SLIT3: variants seen among roughly 807,000 people sequenced by gnomAD.
SLIT3 encodes slit homolog 3 protein.
SLIT3 carries 68 observed loss-of-function variants against 184.0 expected under a neutral mutation model. The observed-to-expected ratio is 0.37, with a 90% confidence interval of 0.30 to 0.45. The LOEUF (loss-of-function observed/expected upper bound fraction) is 0.45. Among genes scored for constraint, SLIT3 ranks in the 20% least tolerant of loss-of-function variants. SLIT3 has a pLI of 1.00. For missense variants in SLIT3, 1,707 were observed against 2,026.0 expected, an observed-to-expected ratio of 0.84 and a Z score of 3.02; for synonymous variants, 831 against 828.6, an observed-to-expected ratio of 1.00 and a Z score of -0.05.
intron 4 of SLIT3, among the ~76,000 whole-genome samples, chr5:169,167,723 C>T (rs1335822346): frequency 6.6e-6 from 1 of 152,140 alleles, no homozygotes; most frequent in Non-Finnish European, 1.5e-5. Context: ...GCAACCCAGG[C>T]AGGCTGGCTT....
rs973001210 is a variant in SLIT3, at chr5:168,806,719, C to G, written c.794-132G>C. On this transcript the variant is annotated intron_variant, in intron 8 of 35. Coordinates refer to ENST00000519560, the MANE Select transcript of SLIT3 (RefSeq NM_003062.4). ...CTGAGAAATGATCACCAGCTGACAT[C>G]TCCCTTCACCTGGGAGACACAGGTG... 5.0e-6 allele frequency: 5 copies of G among 993,644 alleles called. No homozygotes were observed. In the African/African-American group the frequency reaches 8.1e-5, roughly 16 times the overall value. The allele number at this position is 993,644 out of a possible 1,614,324, so 61.6% of individuals were successfully genotyped here. A position where few individuals can be genotyped will look rare whatever the true frequency, so the allele number is the denominator to read the frequency against.
intron 10 of SLIT3, chr5:168,789,902 C>G (rs59442964): frequency 5.0e-6 from 2 of 397,956 alleles, no homozygotes; most frequent in Non-Finnish European, 9.0e-6. Context: ...GCTGTGAACA[C>G]GTGAACCATC....
intron 12 of SLIT3, among the ~76,000 whole-genome samples, chr5:168,780,179 A>G (rs1222046549): frequency 1.3e-5 from 2 of 152,382 alleles, no homozygotes; most frequent in East Asian, 3.9e-4. Context: ...TGTGGAGGAC[A>G]TGGGTTATGT....
chr5:168,678,567 C>T (rs958959809), intron 32 of SLIT3, among the ~76,000 whole-genome samples: 7 of 152,022 alleles, frequency 4.6e-5, no homozygotes, highest in African/African-American at 1.7e-4. Context: ...CCTGTAGTCT[C>T]AGCTACTCGG....
intron 5 of SLIT3, among the ~76,000 whole-genome samples, chr5:168,849,103 T>G (rs901774075): frequency 6.6e-6 from 1 of 152,194 alleles, no homozygotes; most frequent in Non-Finnish European, 1.5e-5. Flanking sequence ...TGCATTTAAG[T>G]CCCCATGAAG....
At chr5:168,860,876 T>G (rs1038617162) in intron 5 of SLIT3, among the ~76,000 whole-genome samples, 10 of 152,220 alleles carry the variant, frequency 6.6e-5, no homozygotes, top group African/African-American at 9.6e-5. Flanking sequence ...TGCTCCTGTT[T>G]CTGCCCGACT....
At chr5:169,213,267 G>GC (rs1316616486) in intron 3 of SLIT3, among the ~76,000 whole-genome samples, 1 of 134,290 alleles carries the variant, frequency 7.4e-6, no homozygotes, top group Non-Finnish European at 1.6e-5. Context: ...GGTTGTGAAG[G>GC]CCCTCTTCAA....
intron 4 of SLIT3, among the ~76,000 whole-genome samples, chr5:169,032,111 AAT>A (rs1418041441): frequency 6.6e-6 from 1 of 152,200 alleles, no homozygotes; most frequent in African/African-American, 2.4e-5. Context: ...ACAAGGGGCT[AAT>A]AATCCAAACT....
At chr5:168,794,323 A>T (rs1756489774) in intron 10 of SLIT3, among the ~76,000 whole-genome samples, 1 of 152,094 alleles carries the variant, frequency 6.6e-6, no homozygotes, top group Non-Finnish European at 1.5e-5. Context: ...ATGATTTCTT[A>T]GCCTCAAAAA....
rs60243688 is a variant in SLIT3, at chr5:168,897,647, TAC to T, written c.414-14313_414-14312del. Among the ~76,000 whole-genome samples, 719 of 141,490 alleles carry T rather than the reference TAC, an allele frequency of 5.1e-3. 7 individuals are homozygous for T. The highest frequency in any genetic ancestry group is 0.017 in the African/African-American group (660 of 38,566). 92.8% of individuals were successfully genotyped at this position (141,490 alleles called of 152,430 possible). On this transcript the variant is annotated intron_variant, in intron 4 of 35. Coordinates refer to ENST00000519560, the MANE Select transcript of SLIT3 (RefSeq NM_003062.4). ...GAAAGAGGATGGAGACAGGTGCACG[TAC>T]ACACACACACACACACACACACACA...
intron 1 of SLIT3, among the ~76,000 whole-genome samples, chr5:169,262,587 C>T (rs768729047): frequency 6.6e-5 from 10 of 152,044 alleles, no homozygotes; most frequent in Non-Finnish European, 1.0e-4. Context: ...TAAAAGGGGC[C>T]GAGCAAGGAA....
chr5:168,751,934 T>A (rs1754730700), intron 18 of SLIT3, among the ~76,000 whole-genome samples: 1 of 152,036 alleles, frequency 6.6e-6, no homozygotes, highest in Non-Finnish European at 1.5e-5. Flanking sequence ...AGAGATGGGG[T>A]TTCACCACAT....
intron 8 of SLIT3, among the ~76,000 whole-genome samples, chr5:168,814,316 A>G (rs75688091): frequency 6.6e-6 from 1 of 151,952 alleles, no homozygotes; most frequent in African/African-American, 2.4e-5. Context: ...GAATTGCTTG[A>G]ACCCGTGAGG....
intron 20 of SLIT3, among the ~76,000 whole-genome samples, chr5:168,725,820 C>T (rs1192741892): frequency 6.6e-6 from 1 of 152,194 alleles, no homozygotes; most frequent in African/African-American, 2.4e-5. Flanking sequence ...CACAAAATGA[C>T]TAAATGGGAT....
intron 4 of SLIT3, among the ~76,000 whole-genome samples, chr5:168,937,529 G>A (rs576631384): frequency 6.6e-6 from 1 of 152,240 alleles, no homozygotes; most frequent in African/African-American, 2.4e-5. Context: ...CAGTCAACTA[G>A]GCAGATCAGA....
intron 20 of SLIT3, among the ~76,000 whole-genome samples, chr5:168,735,578 G>C (rs1182820303): frequency 1.3e-5 from 2 of 151,900 alleles, no homozygotes; most frequent in Non-Finnish European, 2.9e-5. Flanking sequence ...TTGAGTCTCT[G>C]TGAACAGTTC....
At chr5:169,223,595 T>A (rs1419112685) in intron 3 of SLIT3, among the ~76,000 whole-genome samples, 1 of 152,192 alleles carries the variant, frequency 6.6e-6, no homozygotes, top group Non-Finnish European at 1.5e-5. Flanking sequence ...GAAAACCAAG[T>A]GCAAAGGCAG....
At position 168,715,580 on chromosome 5, in the gene SLIT3, A is replaced by C. The variant is rs886158097; in HGVS notation, c.2484-3226T>G. Among the ~76,000 whole-genome samples the C allele has an allele frequency of 2.0e-4, 30 of 152,264 alleles. 1 individual carries two copies. The highest frequency in any genetic ancestry group is 7.0e-4 in the African/African-American group (29 of 41,480). Reference sequence around the variant, plus strand: ...CTGCTAGAATGTAAACTTTCAGCCCATCAGGACCCTCTGTGTCTTAAATAG... The same window carrying C: ...CTGCTAGAATGTAAACTTTCAGCCCCTCAGGACCCTCTGTGTCTTAAATAG... On this transcript the variant is annotated intron_variant, in intron 23 of 35. Transcript: ENST00000519560.
chr5:168,694,142 G>A (rs911659181), intron 28 of SLIT3, among the ~76,000 whole-genome samples: 9 of 152,072 alleles, frequency 5.9e-5, no homozygotes, highest in Admixed American at 3.9e-4. Flanking sequence ...CCTGGTCAAC[G>A]GCAGACACCA....
Sources: allele counts gnomAD v4.1 joint callset (sites outside exome capture counted in the v4.1 genomes callset), GRCh38; gene constraint gnomAD v4.1.1; transcripts MANE v1.5; gene names NCBI Gene and HGNC (gene_info 2026-07-23, HGNC 2026-07-21).